ROBO2: variants seen among roughly 807,000 people sequenced by gnomAD.
The protein encoded by ROBO2 is roundabout homolog 2.
A neutral mutation model predicts 160.8 loss-of-function variants in ROBO2; 53 were observed. That is an observed-to-expected ratio of 0.33 (90% CI 0.26 to 0.41). The LOEUF (loss-of-function observed/expected upper bound fraction) is 0.41, where lower values mean the gene tolerates loss of function less well. Ranked by LOEUF, ROBO2 falls within the 10% of genes least tolerant of loss-of-function variation. The pLI is 1.00. For synonymous variants in ROBO2, 664 were observed against 611.7 expected (o/e 1.09, Z -1.26); for missense variants, 1,577 against 1,722.4 (o/e 0.92, Z 1.49).
chr3:76,355,926 C>T (rs905421105), intron 2 of ROBO2, among the ~76,000 whole-genome samples: 1 of 151,720 alleles, frequency 6.6e-6, no homozygotes, highest in Non-Finnish European at 1.5e-5. Context: ...TGATTCACCC[C>T]TTACAGCAGC....
intron 2 of ROBO2, among the ~76,000 whole-genome samples, chr3:76,631,937 A>G (rs781559494): frequency 1.4e-4 from 21 of 152,234 alleles, no homozygotes; most frequent in Non-Finnish European, 2.2e-4. Context: ...GATTAAAATA[A>G]TAAGGCATTA....
chr3:76,263,015 C>G (rs1706862250), intron 2 of ROBO2, among the ~76,000 whole-genome samples: 1 of 152,116 alleles, frequency 6.6e-6, no homozygotes, highest in Non-Finnish European at 1.5e-5. Context: ...TTGCCAAACT[C>G]AACATGCCAT....
chr3:76,993,168 A>G (rs994900272), intron 2 of ROBO2, among the ~76,000 whole-genome samples: 5 of 152,096 alleles, frequency 3.3e-5, no homozygotes, highest in African/African-American at 1.2e-4. Flanking sequence ...CAAGAAAAAT[A>G]AAAGCATCCT....
intron 2 of ROBO2, among the ~76,000 whole-genome samples, chr3:77,267,331 G>A (rs1002660404): frequency 1.3e-5 from 2 of 152,166 alleles, no homozygotes; most frequent in East Asian, 1.9e-4. Context: ...CAATAGTCCA[G>A]AAAGTTTTCA....
chr3:77,540,845 T>C (rs2092429735), intron 6 of ROBO2, among the ~76,000 whole-genome samples: 1 of 148,330 alleles, frequency 6.7e-6, no homozygotes, highest in Admixed American at 6.8e-5. Flanking sequence ...CAAATATTAA[T>C]TGAGATAATG....
chr3:76,836,878 CA>C (rs1353235697), intron 2 of ROBO2, among the ~76,000 whole-genome samples: 1 of 151,734 alleles, frequency 6.6e-6, no homozygotes, highest in African/African-American at 2.4e-5. Context: ...GAGTGTTCTG[CA>C]AATATCAATT....
intron 2 of ROBO2, among the ~76,000 whole-genome samples, chr3:77,129,855 G>A (rs1172169036): frequency 2.6e-5 from 4 of 152,012 alleles, no homozygotes; most frequent in Non-Finnish European, 5.9e-5. Flanking sequence ...TGCAACTTTG[G>A]CTTTGAGAAG....
intron 2 of ROBO2, among the ~76,000 whole-genome samples, chr3:76,538,955 CAAT>C (rs2082666199): frequency 6.6e-6 from 1 of 152,122 alleles, no homozygotes; most frequent in African/African-American, 2.4e-5. Flanking sequence ...AAATGCTCAA[CAAT>C]GATAGACTGG....
chr3:77,322,442 C>T (rs940386570), intron 2 of ROBO2, among the ~76,000 whole-genome samples: 13 of 152,030 alleles, frequency 8.6e-5, no homozygotes, highest in African/African-American at 2.9e-4. Context: ...TTCAAGTTGT[C>T]AGTCCTAATT....
chr3:76,069,791 G>A (rs143009799), intron 2 of ROBO2, among the ~76,000 whole-genome samples: 14 of 152,208 alleles, frequency 9.2e-5, no homozygotes, highest in Admixed American at 5.9e-4. Context: ...GAGGTGTTGC[G>A]GGAAGTCAGG....
intron 2 of ROBO2, among the ~76,000 whole-genome samples, chr3:76,974,590 A>T (rs546438218): frequency 6.6e-6 from 1 of 152,260 alleles, no homozygotes; most frequent in Non-Finnish European, 1.5e-5. Flanking sequence ...TAATTTATTT[A>T]CTTACTTATT....
intron 1 of ROBO2, among the ~76,000 whole-genome samples, chr3:77,054,832 T>A (rs984594882): frequency 1.3e-5 from 2 of 152,248 alleles, no homozygotes; most frequent in African/African-American, 4.8e-5. Context: ...GTGGGGCTAC[T>A]TCATAGCCAA....
At chr3:76,620,555 T>A in intron 2 of ROBO2, among the ~76,000 whole-genome samples, 1 of 152,166 alleles carries the variant, frequency 6.6e-6, no homozygotes, top group East Asian at 1.9e-4. Flanking sequence ...GGGGTAAACC[T>A]GATAAAATAT....
At chr3:76,155,020 C>T (rs1186865993) in intron 2 of ROBO2, among the ~76,000 whole-genome samples, 1 of 151,896 alleles carries the variant, frequency 6.6e-6, no homozygotes, top group African/African-American at 2.4e-5. Context: ...TAAAGATATC[C>T]GAAAAACTGG....
chr3:76,276,073 A>T (rs1487524802), intron 2 of ROBO2, among the ~76,000 whole-genome samples: 3 of 152,058 alleles, frequency 2.0e-5, no homozygotes, highest in South Asian at 2.1e-4. Context: ...GCATGTTTTT[A>T]TTAAGAAATA....
At chr3:76,458,498 T>C (rs1237918432) in intron 2 of ROBO2, among the ~76,000 whole-genome samples, 2 of 152,158 alleles carry the variant, frequency 1.3e-5, no homozygotes, top group Non-Finnish European at 2.9e-5. Flanking sequence ...TCCCACATTT[T>C]CCTGTCTTCT....
chr3:76,059,285 A>G (rs1248329884), intron 2 of ROBO2, among the ~76,000 whole-genome samples: 2 of 151,166 alleles, frequency 1.3e-5, no homozygotes, highest in Non-Finnish European at 3.0e-5. Context: ...AAGTGTTCCT[A>G]TTTCTCCACA....
At chr3:77,549,200 A>T (rs1450702655) in intron 7 of ROBO2, among the ~76,000 whole-genome samples, 1 of 151,938 alleles carries the variant, frequency 6.6e-6, no homozygotes, top group Admixed American at 6.6e-5. Flanking sequence ...ATGTCAACGA[A>T]TCATTTAGAA....
intron 2 of ROBO2, among the ~76,000 whole-genome samples, chr3:77,357,617 T>A (rs950346072): frequency 2.0e-5 from 3 of 152,190 alleles, no homozygotes; most frequent in African/African-American, 7.2e-5. Flanking sequence ...TGGTTTTGAA[T>A]CTTATTCATG....
Sources: allele counts gnomAD v4.1 joint callset (sites outside exome capture counted in the v4.1 genomes callset), GRCh38; gene constraint gnomAD v4.1.1; transcripts MANE v1.5; gene names NCBI Gene and HGNC (gene_info 2026-07-23, HGNC 2026-07-21).